BMPER: variants seen among roughly 807,000 people sequenced by gnomAD.
BMPER encodes the protein BMP binding endothelial regulator.
BMPER carries 45 observed loss-of-function variants against 87.3 expected under a neutral mutation model. The ratio of observed to expected loss-of-function variants is 0.52; its 90% CI spans 0.41 to 0.66. The LOEUF is 0.66. Ranked by LOEUF, BMPER falls within the 30% of genes least tolerant of loss-of-function variation. BMPER has a pLI of 0.00. For synonymous variants in BMPER, 326 were observed against 316.2 expected (o/e 1.03, Z -0.33); for missense variants, 784 against 867.5 (o/e 0.90, Z 1.21).
rs1489450806 is a variant in BMPER at position 34,155,186 on chromosome 7, A to T, written c.*1913A>T. 6.6e-6 allele frequency: 1 copy of T among 152,228 alleles called. No individual in the cohort carries two copies. Among genetic ancestry groups the T allele is most frequent in the African/African-American group, 2.4e-5 (1 of 41,458 alleles). The allele number at this position is 152,228 out of a possible 1,614,324, so 9.4% of individuals were successfully genotyped here. ...CATTGATTCCCTGCTCTGCCCTGAC[A>T]GGAGGGGTAGGGAAAATCAGTTGAC... is the stretch of plus-strand genomic sequence containing the variant. On this transcript the variant is annotated 3_prime_UTR_variant, in exon 15 of 15. Transcript: ENST00000649409.
intron 2 of BMPER, among the ~76,000 whole-genome samples, chr7:33,917,151 T>A (rs554393356): frequency 1.3e-5 from 2 of 152,290 alleles, no homozygotes; most frequent in East Asian, 3.9e-4. Flanking sequence ...TCTGGGGCGA[T>A]CTGACTTCCA....
intron 6 of BMPER, among the ~76,000 whole-genome samples, chr7:33,994,214 C>T (rs1384906445): frequency 1.3e-5 from 2 of 152,224 alleles, no homozygotes; most frequent in Non-Finnish European, 2.9e-5. Context: ...CGCCCCTCCC[C>T]CAGCCTCGCT....
Position 33,974,783 on chromosome 7 carries a change from C to G in BMPER, c.575C>G (p.Thr192Ser), listed in dbSNP as rs1310819458. Reference sequence around the variant, plus strand: ...AGCAAATGTACCAAGTGTTCCTGCACTGTAAGTCCTGCTGTGGATGTTCCC... The same window carrying G: ...AGCAAATGTACCAAGTGTTCCTGCAGTGTAAGTCCTGCTGTGGATGTTCCC... ...EGSKCTKCSC[T>S]GGRTQCVREV... The change falls in exon 6 of 15, where the codon ACT (threonine) becomes AGT (serine). Residue 192 changes from threonine to serine, a missense_variant and splice_region_variant. By Grantham distance (58) the Thr-to-Ser change is moderately conservative. Transcript: ENST00000649409. 2 of 1,613,728 alleles carry G rather than the reference C, an allele frequency of 1.2e-6. No homozygotes were observed. The highest frequency in any genetic ancestry group is 1.7e-6 in the Non-Finnish European group (2 of 1,179,766).
At chr7:34,026,836 A>G (rs1008319985) in intron 6 of BMPER, among the ~76,000 whole-genome samples, 1 of 152,074 alleles carries the variant, frequency 6.6e-6, no homozygotes, top group African/African-American at 2.4e-5. Flanking sequence ...ACCTGAAAAT[A>G]TGGGTGTAAA....
intron 14 of BMPER, among the ~76,000 whole-genome samples, chr7:34,148,601 A>G (rs538233022): frequency 6.6e-6 from 1 of 152,290 alleles, no homozygotes; most frequent in East Asian, 1.9e-4. Context: ...TACAAGAGAG[A>G]GAGATTTCTT....
chr7:33,973,465 G>A (rs1458446809), intron 5 of BMPER, among the ~76,000 whole-genome samples: 4 of 152,186 alleles, frequency 2.6e-5, no homozygotes, highest in Non-Finnish European at 5.9e-5. Context: ...GTTTCACTTG[G>A]TAATGCAACT....
At chr7:33,988,619 A>AT (rs199630427) in intron 6 of BMPER, among the ~76,000 whole-genome samples, 1 of 151,890 alleles carries the variant, frequency 6.6e-6, no homozygotes, top group Non-Finnish European at 1.5e-5. Flanking sequence ...TTTTTTAATT[A>AT]TTTTTTTAAT....
At chr7:33,921,608 A>G (rs1784231852) in intron 2 of BMPER, among the ~76,000 whole-genome samples, 1 of 152,146 alleles carries the variant, frequency 6.6e-6, no homozygotes, top group Non-Finnish European at 1.5e-5. Context: ...CTAGTTAGGT[A>G]GGGTCCTGCC....
chr7:33,966,621 C>A (rs1785413631), intron 4 of BMPER, 60 bp downstream of exon 4: 2 of 1,496,572 alleles, frequency 1.3e-6, no homozygotes, highest in East Asian at 4.5e-5. Flanking sequence ...TCTTTAGTCA[C>A]CCCTTCACAC....
chr7:33,986,840 C>T (rs564736347), intron 6 of BMPER, among the ~76,000 whole-genome samples: 3 of 152,260 alleles, frequency 2.0e-5, no homozygotes, highest in African/African-American at 7.2e-5. Flanking sequence ...ACTTTCTGAT[C>T]TTTTTGTCCA....
chr7:33,935,074 T>A (rs1283459440), intron 2 of BMPER, among the ~76,000 whole-genome samples: 1 of 152,254 alleles, frequency 6.6e-6, no homozygotes, highest in African/African-American at 2.4e-5. Context: ...TATGTCTCTT[T>A]ATTTTGAATG....
chr7:34,065,901 T>C (rs909171381), intron 11 of BMPER, among the ~76,000 whole-genome samples: 1 of 152,220 alleles, frequency 6.6e-6, no homozygotes, highest in African/African-American at 2.4e-5. Context: ...CAAGAATACC[T>C]CCATGCACAC....
chr7:33,995,121 T>C (rs959583598), intron 6 of BMPER, among the ~76,000 whole-genome samples: 2 of 152,198 alleles, frequency 1.3e-5, no homozygotes, highest in African/African-American at 4.8e-5. Flanking sequence ...AAATAGTGAA[T>C]ATTATCATAA....
intron 6 of BMPER, 49 bp from the exon 7 acceptor site, chr7:34,046,257 A>G (rs1476785275): frequency 6.5e-7 from 1 of 1,549,714 alleles, no homozygotes; most frequent in African/African-American, 1.4e-5. Context: ...TGTACAATCT[A>G]CATGCACTTA....
chr7:33,942,398 C>T (rs1784791098), intron 3 of BMPER, among the ~76,000 whole-genome samples: 1 of 151,970 alleles, frequency 6.6e-6, no homozygotes, highest in Non-Finnish European at 1.5e-5. Flanking sequence ...AATGGTGACA[C>T]TGAGAGCCTT....
intron 9 of BMPER, among the ~76,000 whole-genome samples, chr7:34,055,541 A>G (rs1788262294): frequency 6.6e-6 from 1 of 152,154 alleles, no homozygotes; most frequent in Non-Finnish European, 1.5e-5. Context: ...TCTTGACTAT[A>G]TTTTTGCTGA....
At chr7:34,088,934 G>A (rs936372782) in intron 13 of BMPER, among the ~76,000 whole-genome samples, 1 of 152,162 alleles carries the variant, frequency 6.6e-6, no homozygotes, top group South Asian at 2.1e-4. Flanking sequence ...TAGTGTAAGT[G>A]ACGATTGCAT....
At chr7:34,042,482 A>G (rs1470624721) in intron 6 of BMPER, among the ~76,000 whole-genome samples, 2 of 152,238 alleles carry the variant, frequency 1.3e-5, no homozygotes, top group Non-Finnish European at 2.9e-5. Flanking sequence ...GCATCCTACC[A>G]GCTTTACATG....
At position 34,036,008 on chromosome 7, in the gene BMPER, A is replaced by G. The variant is rs76320157; in HGVS notation, c.577-10298A>G. On this transcript the variant is annotated intron_variant, in intron 6 of 14. Coordinates refer to ENST00000649409, the MANE Select transcript of BMPER (RefSeq NM_001365308.1). ...TCGGCTTTCTTCTTAGTGCCTATCCAATGTTGTTGTGATGTAGATAGCCTG... is the reference window on the plus strand; with the variant it reads ...TCGGCTTTCTTCTTAGTGCCTATCCGATGTTGTTGTGATGTAGATAGCCTG... 8.8e-3 allele frequency among the ~76,000 whole-genome samples: 1,347 copies of G among 152,258 alleles called. 18 individuals are homozygous for G. The highest frequency in any genetic ancestry group is 0.031 in the African/African-American group (1,275 of 41,538).
Sources: allele counts gnomAD v4.1 joint callset (sites outside exome capture counted in the v4.1 genomes callset), GRCh38; gene constraint gnomAD v4.1.1; transcripts MANE v1.5; gene names NCBI Gene and HGNC (gene_info 2026-07-23, HGNC 2026-07-21).